Variants in LTBP1 observed in about 807,000 individuals in gnomAD.
The protein encoded by LTBP1 is latent transforming growth factor beta binding protein 1, also known as latent-transforming growth factor beta-binding protein 1.
In LTBP1, 129 loss-of-function variants were observed where a neutral mutation model predicts 207.6. The observed-to-expected ratio is 0.62, with a 90% CI of 0.54 to 0.72. The LOEUF (loss-of-function observed/expected upper bound fraction) is 0.72, where lower values mean the gene tolerates loss of function less well. LTBP1 is among the 30% of genes least tolerant of loss of function. The pLI is 0.00. For missense variants in LTBP1, 2,281 were observed against 2,217.2 expected (o/e 1.03, Z -0.58); for synonymous variants, 963 against 833.7 (o/e 1.16, Z -2.67).
chr2:33,019,522 A>G (rs905322691), intron 2 of LTBP1, among the ~76,000 whole-genome samples: 19 of 151,554 alleles, frequency 1.3e-4, no homozygotes, highest in African/African-American at 4.1e-4. Context: ...TTTAGTAGAG[A>G]TGAGGTTTCA....
intron 4 of LTBP1, among the ~76,000 whole-genome samples, chr2:33,117,560 G>C (rs1403682307): frequency 1.3e-5 from 2 of 152,194 alleles, no homozygotes; most frequent in African/African-American, 4.8e-5. Context: ...TTTTTGCTCT[G>C]TCAAAACAAA....
At chr2:33,311,956 A>G (rs2094193981) in intron 23 of LTBP1, among the ~76,000 whole-genome samples, 1 of 152,226 alleles carries the variant, frequency 6.6e-6, no homozygotes, top group Non-Finnish European at 1.5e-5. Context: ...ATAAATGAGA[A>G]GCATTTCTGA....
chr2:33,103,092 T>C (rs1425969252), intron 3 of LTBP1, among the ~76,000 whole-genome samples: 1 of 152,050 alleles, frequency 6.6e-6, no homozygotes, highest in Admixed American at 6.6e-5. Flanking sequence ...CTGTATGCAC[T>C]GTTTGTATGC....
chr2:33,343,041 T>C, intron 25 of LTBP1, 78 bp downstream of exon 25: 1 of 1,479,160 alleles, frequency 6.8e-7, no homozygotes, highest in Non-Finnish European at 9.1e-7. Context: ...CAGGAGCTTT[T>C]AAGCAGGTAA....
At chr2:33,286,751 T>TA (rs34249452) in intron 19 of LTBP1, among the ~76,000 whole-genome samples, 22 of 151,898 alleles carry the variant, frequency 1.4e-4, no homozygotes, top group Non-Finnish European at 4.4e-5. Context: ...TATGCAGCCA[T>TA]AAAAAAATGA....
At chr2:33,093,962 C>T (rs1158797982) in intron 3 of LTBP1, among the ~76,000 whole-genome samples, 5 of 152,088 alleles carry the variant, frequency 3.3e-5, no homozygotes, top group Non-Finnish European at 4.4e-5. Context: ...CTCAGCATCT[C>T]CTGGGTCCTA....
intron 31 of LTBP1, 140 bp downstream of exon 31, chr2:33,365,643 G>GTGTA (rs1553518270): frequency 1.4e-3 from 1,065 of 772,050 alleles, no homozygotes; most frequent in South Asian, 2.0e-3. Flanking sequence ...GTGTGTGTGT[G>GTGTA]TGTGTGTAGG....
chr2:33,233,300 T>G (rs1421191792), intron 9 of LTBP1, among the ~76,000 whole-genome samples: 1 of 152,176 alleles, frequency 6.6e-6, no homozygotes, highest in Non-Finnish European at 1.5e-5. Flanking sequence ...ACTATGCCCA[T>G]CTAGGCTTTA....
intron 2 of LTBP1, among the ~76,000 whole-genome samples, chr2:33,020,128 G>A (rs574157726): frequency 1.4e-4 from 22 of 152,174 alleles, no homozygotes; most frequent in Admixed American, 9.8e-4. Context: ...TATTAAATTC[G>A]GAATGGTGCC....
intron 25 of LTBP1, among the ~76,000 whole-genome samples, 178 bp from the exon 26 acceptor site, chr2:33,347,189 C>T (rs1411758618): frequency 1.3e-5 from 2 of 150,734 alleles, no homozygotes; most frequent in East Asian, 1.9e-4. Flanking sequence ...TCGTACAGAC[C>T]AAATCTGACA....
chr2:33,082,532 C>T (rs532403353), intron 3 of LTBP1, among the ~76,000 whole-genome samples: 74 of 148,386 alleles, frequency 5.0e-4, no homozygotes, highest in Non-Finnish European at 9.3e-4. Flanking sequence ...CTGCAAGCTC[C>T]GCCTGCCTCA....
At chr2:32,947,898 C>G (rs927792239) in intron 1 of LTBP1, 80 bp downstream of exon 1, 119 of 1,192,130 alleles carry the variant, frequency 1.0e-4, no homozygotes, top group Non-Finnish European at 1.2e-4. Context: ...CAGGGCCACT[C>G]GGAGCCCCGC....
intron 3 of LTBP1, among the ~76,000 whole-genome samples, chr2:33,030,978 G>C (rs1046445654): frequency 6.6e-6 from 1 of 151,854 alleles, no homozygotes; most frequent in Admixed American, 6.6e-5. Flanking sequence ...TGTTACATGT[G>C]CTTATAATTT....
chr2:33,161,225 C>T (rs1049914288), intron 5 of LTBP1, among the ~76,000 whole-genome samples: 1 of 150,706 alleles, frequency 6.6e-6, no homozygotes, highest in African/African-American at 2.4e-5. Flanking sequence ...GTATCTTTCC[C>T]TTACGTAGAG....
At chr2:33,279,820 C>CA (rs1310595455) in intron 18 of LTBP1, among the ~76,000 whole-genome samples, 4 of 152,196 alleles carry the variant, frequency 2.6e-5, no homozygotes, top group Non-Finnish European at 5.9e-5. Flanking sequence ...GGGCCAGGTT[C>CA]TTCCTTGGAA....
chr2:33,179,227 A>G (rs1443983879), intron 5 of LTBP1, among the ~76,000 whole-genome samples: 1 of 152,140 alleles, frequency 6.6e-6, no homozygotes, highest in Non-Finnish European at 1.5e-5. Flanking sequence ...AGCTATCATA[A>G]GTGTTAGTGT....
chr2:33,152,553 A>G (rs1185808255), intron 5 of LTBP1, among the ~76,000 whole-genome samples: 2 of 152,352 alleles, frequency 1.3e-5, no homozygotes, highest in East Asian at 1.9e-4. Flanking sequence ...TGATCCAGCA[A>G]TCCCACTACT....
At chr2:33,093,002 T>C (rs530513220) in intron 3 of LTBP1, among the ~76,000 whole-genome samples, 52 of 152,294 alleles carry the variant, frequency 3.4e-4, no homozygotes, top group Non-Finnish European at 5.4e-4. Flanking sequence ...ATAAATTCCT[T>C]TCATTTCTGT....
In LTBP1 at chr2:33,230,053, C is replaced by A. The variant is rs544235389; in HGVS notation, c.1876+7902C>A. On this transcript the variant is annotated intron_variant, in intron 9 of 33. Transcript: ENST00000404816. ...TCAGTAAAATGAAATCGAACTTGCTCACATTACATATGTACATTCAGTTTT... is the reference window on the plus strand; with the variant it reads ...TCAGTAAAATGAAATCGAACTTGCTAACATTACATATGTACATTCAGTTTT... Among the ~76,000 whole-genome samples the A allele has an allele frequency of 2.6e-4, 40 of 152,304 alleles. No individual in the cohort carries two copies. In the East Asian group the frequency reaches 7.7e-3, roughly 29 times the overall value.
Sources: allele counts gnomAD v4.1 joint callset (sites outside exome capture counted in the v4.1 genomes callset), GRCh38; gene constraint gnomAD v4.1.1; transcripts MANE v1.5; gene names NCBI Gene and HGNC (gene_info 2026-07-23, HGNC 2026-07-21).